INPP4A: variants seen among roughly 807,000 people sequenced by gnomAD.
INPP4A encodes the protein inositol polyphosphate-4-phosphatase type I A.
In INPP4A, 33 loss-of-function variants were observed where a neutral mutation model predicts 119.8. The observed-to-expected ratio is 0.28, with a 90% confidence interval of 0.21 to 0.37. The LOEUF is 0.37. INPP4A is among the 10% of genes least tolerant of loss of function. The pLI, the probability that INPP4A is intolerant of heterozygous loss-of-function variation, is 1.00. For synonymous variants in INPP4A, 496 were observed against 500.7 expected (o/e 0.99, Z 0.12); for missense variants, 956 against 1,289.9 (o/e 0.74, Z 3.97).
chr2:98,552,774 T>A lies in INPP4A; in HGVS notation c.1164-12T>A. On this transcript the variant is annotated splice_polypyrimidine_tract_variant and intron_variant, in intron 13 of 24. Coordinates refer to ENST00000409851, the MANE Select transcript of INPP4A (RefSeq NM_001134225.2). ...TGGAGAATCCCTTAGAATCCATTCT[T>A]ATCCTTTCCAGTACATCATCTGGCT... The A allele has an allele frequency of 6.2e-7, 1 of 1,604,292 alleles. No individual in the cohort carries two copies. The highest frequency in any genetic ancestry group is 8.5e-7 in the Non-Finnish European group (1 of 1,171,200).
chr2:98,585,226 A>G (rs552960767), intron 24 of INPP4A, among the ~76,000 whole-genome samples: 1 of 151,890 alleles, frequency 6.6e-6, no homozygotes, highest in Non-Finnish European at 1.5e-5. Flanking sequence ...CAGCCACCCC[A>G]TGCTCAGCCA....
intron 13 of INPP4A, among the ~76,000 whole-genome samples, chr2:98,551,686 C>T (rs1034958474): frequency 6.6e-6 from 1 of 152,160 alleles, no homozygotes; most frequent in South Asian, 2.1e-4. Flanking sequence ...CCTCCTCTCT[C>T]TCTCTTCCCC....
In INPP4A at chr2:98,451,702, G is replaced by A. The variant is rs535798531; in HGVS notation, c.-166+6617G>A. 6.6e-4 allele frequency among the ~76,000 whole-genome samples: 100 copies of A among 152,100 alleles called. No homozygotes were observed. In the Middle Eastern group the frequency reaches 0.027, roughly 41 times the overall value. ...ATTAATTCACCCTAGCATATTGAACGCCCTTCTTTCCCTCTCTCATGTTGC... is the reference window on the plus strand; with the variant it reads ...ATTAATTCACCCTAGCATATTGAACACCCTTCTTTCCCTCTCTCATGTTGC... On this transcript the variant is annotated intron_variant, in intron 1 of 24. Transcript: ENST00000409851.
intron 1 of INPP4A, among the ~76,000 whole-genome samples, chr2:98,467,560 T>G (rs1558887919): frequency 6.6e-6 from 1 of 152,226 alleles, no homozygotes; most frequent in African/African-American, 2.4e-5. Flanking sequence ...TCAGTGTCCT[T>G]TGCCCTTGGA....
intron 1 of INPP4A, among the ~76,000 whole-genome samples, chr2:98,489,566 C>G (rs1244123742): frequency 6.6e-6 from 1 of 152,046 alleles, no homozygotes; most frequent in East Asian, 1.9e-4. Context: ...ACATTGGTAC[C>G]AAGCAGTATA....
At chr2:98,548,347 C>T (rs529203431) in intron 13 of INPP4A, among the ~76,000 whole-genome samples, 1 of 152,310 alleles carries the variant, frequency 6.6e-6, no homozygotes, top group South Asian at 2.1e-4. Context: ...ACTCCAGGTC[C>T]CTTTGGGAAA....
At chr2:98,528,148 C>T (rs1237293041) in intron 4 of INPP4A, among the ~76,000 whole-genome samples, 2 of 152,028 alleles carry the variant, frequency 1.3e-5, no homozygotes, top group African/African-American at 4.8e-5. Flanking sequence ...GTCTAAAGAA[C>T]TGAGGAAAGT....
In INPP4A at chr2:98,539,532, C is replaced by A; in HGVS notation, c.675C>A (p.Phe225Leu). ...TCCCTTGTCATCCCACCTCAGTGTT[C>A]GGTGGTGCCATCTGCCGCATGTACC... ...LRKDTLLKSV[F>L]GGAICRMYRF... Residue 225 changes from phenylalanine to leucine, a missense_variant, in exon 10 of 25, where the codon TTC becomes TTA. Physicochemically the swap from Phe to Leu is conservative, Grantham distance 22 (BLOSUM62 0). This residue lies in a region of INPP4A where 652 missense variants were observed against 797.9 expected (regional missense o/e 0.82). Transcript: ENST00000409851. The A allele has an allele frequency of 6.2e-7, 1 of 1,606,842 alleles. No individual in the cohort carries two copies. Among genetic ancestry groups the A allele is most frequent in the South Asian group, 1.1e-5 (1 of 90,340 alleles).
chr2:98,520,093 T>C lies in INPP4A; in HGVS notation c.45T>C (p.Arg15=), dbSNP rs1686893872. 6.3e-7 allele frequency: 1 copy of C among 1,580,798 alleles called. No homozygotes were observed. The highest frequency in any genetic ancestry group is 8.6e-7 in the Non-Finnish European group (1 of 1,162,060). ...EHSPRHGARA[R]AMQRASTIDV... is the part of the protein sequence containing the mutation. ...GCCCTCGCCATGGTGCCAGGGCCCG[T>C]GCAATGCAGCGGGCTTCCACCATCG... The change falls in exon 3 of 25, where the codon CGT becomes CGC. Residue 15 remains arginine (R), a synonymous_variant. Coordinates refer to ENST00000409851, the MANE Select transcript of INPP4A (RefSeq NM_001134225.2).
At chr2:98,547,432 C>T (rs550032219) in intron 13 of INPP4A, among the ~76,000 whole-genome samples, 2 of 152,086 alleles carry the variant, frequency 1.3e-5, no homozygotes, top group Non-Finnish European at 2.9e-5. Flanking sequence ...CACCCAGCCC[C>T]CAGGGGTGGG....
At position 98,444,920 on chromosome 2, in the gene INPP4A, C is replaced by G. The variant is rs941452752; in HGVS notation, c.-331C>G. On this transcript the variant is annotated 5_prime_UTR_variant, in exon 1 of 25. Coordinates refer to ENST00000409851, the MANE Select transcript of INPP4A (RefSeq NM_001134225.2). ...CGTGGAGGGTTCGCTGCTGGTTTGCCGCCGGGTCGGGCTCCGTGGGCCGGG... is the reference window on the plus strand; with the variant it reads ...CGTGGAGGGTTCGCTGCTGGTTTGCGGCCGGGTCGGGCTCCGTGGGCCGGG... 6.6e-6 allele frequency: 1 copy of G among 151,264 alleles called. No individual in the cohort carries two copies. Among genetic ancestry groups the G allele is most frequent in the Non-Finnish European group, 1.5e-5 (1 of 67,806 alleles). 9.4% of individuals were successfully genotyped at this position (151,264 alleles called of 1,614,324 possible).
At chr2:98,497,566 T>G (rs1312782582) in intron 1 of INPP4A, among the ~76,000 whole-genome samples, 1 of 152,264 alleles carries the variant, frequency 6.6e-6, no homozygotes, top group Non-Finnish European at 1.5e-5. Flanking sequence ...AAATGTCTAT[T>G]CAGATCTTTT....
rs1328676293 is a variant in INPP4A at position 98,537,888 on chromosome 2, A to C, written c.493A>C (p.Asn165His). The change falls in exon 8 of 25, where the codon AAC becomes CAC. Residue 165 changes from asparagine (N) to histidine (H), a missense_variant. By Grantham distance (68) the Asn-to-His change is moderately conservative (BLOSUM62 1). Around this residue, in one of 2 missense-constraint regions of INPP4A, gnomAD observed 652 missense variants for 797.9 expected, o/e 0.82. Transcript: ENST00000409851. ...GTCTGCAGAGAGTGACCGTGTAGGT[A>C]ACATCACCGTGATTGGCTGGCAGAT... is the stretch of plus-strand genomic sequence containing the variant. ...LRSAESDRVG[N>H]ITVIGWQMEE... The C allele has an allele frequency of 6.2e-7, 1 of 1,612,732 alleles. No homozygotes were observed. Among genetic ancestry groups the C allele is most frequent in the Non-Finnish European group, 8.5e-7 (1 of 1,179,412 alleles).
chr2:98,563,458 GC>G lies in INPP4A; in HGVS notation c.1856-3del, dbSNP rs1695861260. ...TCATTGTGATGACCCCTTCGCTTGT[GC>G]CCCAGGTGAATGGAGTGAGGCCCTT... On this transcript the variant is annotated splice_region_variant and splice_polypyrimidine_tract_variant and intron_variant, in intron 17 of 24. Coordinates refer to ENST00000409851, the MANE Select transcript of INPP4A (RefSeq NM_001134225.2). 2 of 1,610,846 alleles carry G rather than the reference GC, an allele frequency of 1.2e-6. No homozygotes were observed. The highest frequency in any genetic ancestry group is 2.2e-5 in the South Asian group (2 of 90,552).
In INPP4A at chr2:98,497,801, A is replaced by G. The variant is rs550025396; in HGVS notation, c.-165-21163A>G. Among the ~76,000 whole-genome samples the G allele has an allele frequency of 1.1e-4, 17 of 152,322 alleles. No homozygotes were observed. In the East Asian group the frequency reaches 3.3e-3, roughly 29 times the overall value. On this transcript the variant is annotated intron_variant, in intron 1 of 24. Coordinates refer to ENST00000409851, the MANE Select transcript of INPP4A (RefSeq NM_001134225.2). ...CATCAGCATGACCTGGATATGAGAC[A>G]TGGAGTCAAAGGAGATCATTTTGGA...
intron 9 of INPP4A, 62 bp downstream of exon 9, chr2:98,539,043 TC>T: frequency 1.2e-6 from 1 of 836,626 alleles, no homozygotes; most frequent in South Asian, 1.7e-5. Context: ...GGGCCCGCAG[TC>T]CCCTTTGCTC....
chr2:98,483,512 T>G (rs904190937), intron 1 of INPP4A, among the ~76,000 whole-genome samples: 1 of 152,162 alleles, frequency 6.6e-6, no homozygotes, highest in African/African-American at 2.4e-5. Context: ...GGTCTTGTCT[T>G]TCTAATGTCT....
At chr2:98,508,413 C>T (rs577205902) in intron 1 of INPP4A, among the ~76,000 whole-genome samples, 3 of 152,346 alleles carry the variant, frequency 2.0e-5, no homozygotes, top group Admixed American at 6.5e-5. Context: ...GCTGCGTCTC[C>T]TGGAATGAAC....
intron 2 of INPP4A, chr2:98,519,383 A>C (rs1263737032): frequency 6.6e-6 from 1 of 152,252 alleles, no homozygotes; most frequent in Non-Finnish European, 1.5e-5. Context: ...AGCACCCTCC[A>C]CTTCGCTTAG....
Sources: gnomAD v4.1 joint callset for allele counts (sites outside exome capture counted in the v4.1 genomes callset) on GRCh38, gnomAD v4.1.1 for gene constraint, gnomAD v4.1.1 regional missense constraint, MANE v1.5 for transcripts, NCBI Gene and HGNC (gene_info 2026-07-23, HGNC 2026-07-21) for gene names.